Variants in NARS2 observed in about 807,000 individuals in gnomAD.
NARS2 encodes the protein asparaginyl-tRNA synthetase 2, mitochondrial, also known as asparaginyl-tRNA synthetase.
NARS2 carries 60 observed loss-of-function variants against 62.9 expected under a neutral mutation model. That is an observed-to-expected ratio of 0.95 (90% CI 0.77 to 1.18). The LOEUF (loss-of-function observed/expected upper bound fraction) is 1.18. NARS2 is among the 50% of genes most tolerant of loss of function. The pLI is 0.00. For missense variants in NARS2, 619 were observed against 576.4 expected (o/e 1.07, Z -0.76); for synonymous variants, 196 against 200.0 (o/e 0.98, Z 0.17).
intron 7 of NARS2, among the ~76,000 whole-genome samples, chr11:78,492,451 C>T (rs1565234540): frequency 6.6e-6 from 1 of 152,078 alleles, no homozygotes; most frequent in Non-Finnish European, 1.5e-5. Flanking sequence ...CAATTTAGAA[C>T]TCTTGCTCCT....
intron 5 of NARS2, among the ~76,000 whole-genome samples, chr11:78,538,332 A>T (rs1044070760): frequency 3.3e-5 from 5 of 152,176 alleles, no homozygotes; most frequent in African/African-American, 1.2e-4. Context: ...CTGTATATAC[A>T]CCTCATTCAT....
chr11:78,478,692 A>G lies in NARS2; in HGVS notation c.823-9T>C. On this transcript the variant is annotated splice_polypyrimidine_tract_variant and intron_variant, in intron 7 of 13. Transcript: ENST00000281038. Reference sequence around the variant, plus strand: ...AACAGTTCCTCTATAACCTAAGAGAAATGAAATAGAATCACCTGACACGTA... The same window carrying G: ...AACAGTTCCTCTATAACCTAAGAGAGATGAAATAGAATCACCTGACACGTA... 1 of 1,556,600 alleles carries G rather than the reference A, an allele frequency of 6.4e-7. No individual in the cohort carries two copies. Among genetic ancestry groups the G allele is most frequent in the Non-Finnish European group, 8.8e-7 (1 of 1,137,444 alleles).
intron 12 of NARS2, among the ~76,000 whole-genome samples, chr11:78,442,007 A>AGAAAACAT (rs1169863156): frequency 1.3e-5 from 2 of 152,244 alleles, no homozygotes; most frequent in Non-Finnish European, 2.9e-5. Flanking sequence ...ACAAAAATAC[A>AGAAAACAT]GAAAACATGA....
intron 11 of NARS2, among the ~76,000 whole-genome samples, chr11:78,459,744 A>T (rs1858318581): frequency 6.6e-6 from 1 of 152,232 alleles, no homozygotes; most frequent in South Asian, 2.1e-4. Context: ...TGTCTTTATC[A>T]GCAGCATGAA....
At chr11:78,489,149 A>T (rs1859707379) in intron 7 of NARS2, among the ~76,000 whole-genome samples, 1 of 152,224 alleles carries the variant, frequency 6.6e-6, no homozygotes, top group Non-Finnish European at 1.5e-5. Context: ...TAAGGGGATG[A>T]AAAGTCAAGC....
intron 3 of NARS2, among the ~76,000 whole-genome samples, chr11:78,566,522 T>C (rs577194284): frequency 3.6e-4 from 55 of 152,340 alleles, no homozygotes; most frequent in Admixed American, 1.0e-3. Flanking sequence ...CTAATATCAC[T>C]GAAGCTCATC....
intron 5 of NARS2, among the ~76,000 whole-genome samples, chr11:78,556,026 T>C (rs1268635121): frequency 2.0e-5 from 3 of 152,266 alleles, no homozygotes; most frequent in African/African-American, 7.2e-5. Context: ...TTTATTGTGC[T>C]GTGGTCTGAG....
intron 5 of NARS2, among the ~76,000 whole-genome samples, chr11:78,558,974 C>G (rs10793332): frequency 0.64 from 96,830 of 151,964 alleles, 34,608 homozygotes; most frequent in Non-Finnish European, 0.81. Flanking sequence ...CAGCAATTCA[C>G]AGTAACTTAA....
In NARS2 at chr11:78,438,692, G is replaced by A. The variant is rs529575860; in HGVS notation, c.1290-1878C>T. Among the ~76,000 whole-genome samples, 6 of 152,278 alleles carry A rather than the reference G, an allele frequency of 3.9e-5. No individual in the cohort carries two copies. The South Asian group carries it at 1.0e-3, about 26-fold the overall frequency. ...GTTGTTAAATTGGTTCCAGGGTAGC[G>A]AGATTATGGAAGAGATGCTACGAAA... On this transcript the variant is annotated intron_variant, in intron 13 of 13. Coordinates refer to ENST00000281038, the MANE Select transcript of NARS2 (RefSeq NM_024678.6).
At chr11:78,493,218 T>C (rs1404596974) in intron 6 of NARS2, 23 bp from the exon 7 acceptor site, 2 of 1,600,096 alleles carry the variant, frequency 1.2e-6, no homozygotes, top group African/African-American at 1.4e-5. Flanking sequence ...ATTAAGAGAA[T>C]GCAAATAGAA....
chr11:78,546,093 A>G lies in NARS2; in HGVS notation c.594+13446T>C, dbSNP rs142237637. Among the ~76,000 whole-genome samples the G allele has an allele frequency of 3.8e-3, 584 of 152,264 alleles. 2 individuals carry two copies. Among genetic ancestry groups the G allele is most frequent in the African/African-American group, 0.013 (555 of 41,562 alleles). On this transcript the variant is annotated intron_variant, in intron 5 of 13. Coordinates refer to ENST00000281038, the MANE Select transcript of NARS2 (RefSeq NM_024678.6). ...GTGGTTCTTGTATGGAGTCTCTCACATGGTTTCAGTCAAATGGCTGCCGGC... is the reference window on the plus strand; with the variant it reads ...GTGGTTCTTGTATGGAGTCTCTCACGTGGTTTCAGTCAAATGGCTGCCGGC...
intron 4 of NARS2, among the ~76,000 whole-genome samples, chr11:78,563,571 G>A (rs951937137): frequency 2.0e-5 from 3 of 151,190 alleles, no homozygotes; most frequent in East Asian, 2.0e-4. Context: ...GGTGGCTCAC[G>A]CCCGCAATCC....
intron 11 of NARS2, among the ~76,000 whole-genome samples, chr11:78,449,193 T>C (rs1454631293): frequency 7.0e-6 from 1 of 142,486 alleles, no homozygotes; most frequent in Non-Finnish European, 1.5e-5. Flanking sequence ...TGGAGTGCAG[T>C]GGTGCGATCT....
At chr11:78,520,218 C>A (rs1234188123) in intron 6 of NARS2, among the ~76,000 whole-genome samples, 3 of 152,192 alleles carry the variant, frequency 2.0e-5, no homozygotes, top group Non-Finnish European at 1.5e-5. Flanking sequence ...AAAGTGCCAG[C>A]AAGGTTGTGC....
chr11:78,533,382 A>T (rs1861550833), intron 5 of NARS2: 1 of 152,094 alleles, frequency 6.6e-6, no homozygotes, highest in Non-Finnish European at 1.5e-5. Context: ...TGAGATTAAA[A>T]AGTCTTGCTT....
At chr11:78,464,633 G>A (rs1858538933) in intron 11 of NARS2, among the ~76,000 whole-genome samples, 1 of 152,000 alleles carries the variant, frequency 6.6e-6, no homozygotes, top group Non-Finnish European at 1.5e-5. Context: ...GGTGCTGATT[G>A]GTGTGTTTTC....
At chr11:78,563,851 A>AAAATAT (rs1404770578) in intron 4 of NARS2, among the ~76,000 whole-genome samples, 7 of 34,018 alleles carry the variant, frequency 2.1e-4, no homozygotes, top group African/African-American at 6.6e-4. Flanking sequence ...AAAAAAAAAA[A>AAAATAT]ATATATATAT....
rs138294703 is a variant in NARS2, at chr11:78,441,225, C to T, written c.1263-108G>A. 30 of 960,286 alleles carry T rather than the reference C, an allele frequency of 3.1e-5. 1 individual carries two copies. Among genetic ancestry groups the T allele is most frequent in the Middle Eastern group, 4.6e-4 (2 of 4,392 alleles). 59.5% of individuals were successfully genotyped at this position (960,286 alleles called of 1,614,324 possible). ...AAAGAACTCTTTATGAAGAAGTAGA[C>T]GACAAAGCCTCTGCTCTCAAGTAAT... On this transcript the variant is annotated intron_variant, in intron 12 of 13. Coordinates refer to ENST00000281038, the MANE Select transcript of NARS2 (RefSeq NM_024678.6).
intron 7 of NARS2, among the ~76,000 whole-genome samples, chr11:78,490,022 G>GCCT (rs1859748034): frequency 6.6e-6 from 1 of 152,136 alleles, no homozygotes; most frequent in African/African-American, 2.4e-5. Flanking sequence ...CTAGGTGACA[G>GCCT]AGTGAGACCC....
Sources: gnomAD v4.1 joint callset for allele counts (sites outside exome capture counted in the v4.1 genomes callset) on GRCh38, gnomAD v4.1.1 for gene constraint, MANE v1.5 for transcripts, NCBI Gene and HGNC (gene_info 2026-07-23, HGNC 2026-07-21) for gene names.